SAMD5: variants seen among roughly 807,000 people sequenced by gnomAD.
SAMD5 encodes the protein sterile alpha motif domain-containing protein 5.
A neutral mutation model predicts 11.3 loss-of-function variants in SAMD5; 13 were observed. That is an observed-to-expected ratio of 1.15 (90% CI 0.75 to 1.83). The LOEUF is 1.83. Among genes scored for constraint, SAMD5 ranks in the 40% most tolerant of loss-of-function variants. SAMD5 has a pLI of 0.00. For synonymous variants in SAMD5, 129 were observed against 111.3 expected (o/e 1.16, Z -1.00); for missense variants, 255 against 239.1 (o/e 1.07, Z -0.44).
the SAMD5 span, among the ~76,000 whole-genome samples, chr6:147,816,243 G>A: frequency 2.4e-5 from 3 of 124,196 alleles, no homozygotes; most frequent in African/African-American, 9.3e-5. Context: ...TTGTGCCATT[G>A]CACTCCAGCT....
At chr6:147,554,831 C>G (rs1367770672) in intron 1 of SAMD5, among the ~76,000 whole-genome samples, 1 of 152,204 alleles carries the variant, frequency 6.6e-6, no homozygotes, top group Non-Finnish European at 1.5e-5. Context: ...CCTACCTTAA[C>G]TTCTTGTATC....
At chr6:147,790,504 T>C in the SAMD5 span, among the ~76,000 whole-genome samples, 1 of 152,200 alleles carries the variant, frequency 6.6e-6, no homozygotes, top group Non-Finnish European at 1.5e-5. Context: ...TAAAAAGATG[T>C]GTATGATTGC....
the SAMD5 span, among the ~76,000 whole-genome samples, chr6:147,917,331 G>GT: frequency 6.8e-6 from 1 of 146,770 alleles, no homozygotes; most frequent in African/African-American, 2.6e-5. Context: ...TTTTTCATGT[G>GT]TTTTTTGGCT....
At chr6:147,718,621 G>A (rs1048166242) in intron 1 of SAMD5, among the ~76,000 whole-genome samples, 1 of 152,186 alleles carries the variant, frequency 6.6e-6, no homozygotes, top group Middle Eastern at 3.2e-3. Flanking sequence ...GGTTTAACCA[G>A]GTTTTGGTGT....
At chr6:147,593,240 T>A (rs909047048) in intron 1 of SAMD5, among the ~76,000 whole-genome samples, 2 of 152,174 alleles carry the variant, frequency 1.3e-5, no homozygotes, top group Non-Finnish European at 2.9e-5. Flanking sequence ...GGCTTTATAG[T>A]CCCTAGCAAA....
intron 1 of SAMD5, among the ~76,000 whole-genome samples, chr6:147,600,074 G>A (rs1278346094): frequency 1.3e-5 from 2 of 152,070 alleles, no homozygotes; most frequent in African/African-American, 4.8e-5. Context: ...TGGGAGTGAG[G>A]GCCACTCAGA....
At chr6:147,935,531 A>T in the SAMD5 span, among the ~76,000 whole-genome samples, 1 of 152,240 alleles carries the variant, frequency 6.6e-6, no homozygotes, top group Non-Finnish European at 1.5e-5. Flanking sequence ...TTCACACTTA[A>T]CATCATACGA....
the SAMD5 span, among the ~76,000 whole-genome samples, chr6:147,940,431 G>A: frequency 6.6e-6 from 1 of 152,216 alleles, no homozygotes. Context: ...TCATCACAGC[G>A]CCCTGCTGTA....
chr6:147,513,512 AGT>A (rs1373160926), intron 1 of SAMD5, among the ~76,000 whole-genome samples: 12 of 152,102 alleles, frequency 7.9e-5, no homozygotes, highest in Non-Finnish European at 1.5e-4. Context: ...AAACATACGG[AGT>A]GTGAGATGCC....
intron 1 of SAMD5, among the ~76,000 whole-genome samples, chr6:147,528,424 T>C (rs1195567329): frequency 1.3e-5 from 2 of 152,188 alleles, no homozygotes; most frequent in Non-Finnish European, 2.9e-5. Flanking sequence ...TCTGTCTGTA[T>C]CTTGCCTGTG....
At chr6:147,624,423 A>C (rs1303490694) in intron 1 of SAMD5, among the ~76,000 whole-genome samples, 1 of 152,154 alleles carries the variant, frequency 6.6e-6, no homozygotes, top group East Asian at 1.9e-4. Context: ...TCCAGAATTA[A>C]AATAATTAAA....
At chr6:147,640,251 G>A (rs1379048489) in intron 1 of SAMD5, among the ~76,000 whole-genome samples, 5 of 151,712 alleles carry the variant, frequency 3.3e-5, no homozygotes, top group Middle Eastern at 6.8e-3. Flanking sequence ...GCTTGAACCC[G>A]GGAGGTGAAG....
the SAMD5 span, among the ~76,000 whole-genome samples, chr6:147,807,132 C>T: frequency 6.6e-6 from 1 of 152,114 alleles, no homozygotes; most frequent in South Asian, 2.1e-4. Context: ...AGGAGTCTTG[C>T]TCTGTCACCC....
intron 1 of SAMD5, among the ~76,000 whole-genome samples, chr6:147,604,589 G>T (rs1789671596): frequency 6.6e-6 from 1 of 152,210 alleles, no homozygotes; most frequent in Admixed American, 6.5e-5. Context: ...TTTCAAGAAT[G>T]CAACTAGTTT....
At chr6:147,838,530 T>TCC in the SAMD5 span, among the ~76,000 whole-genome samples, 1 of 110,470 alleles carries the variant, frequency 9.1e-6, no homozygotes, top group African/African-American at 4.2e-5. Flanking sequence ...AAGAATATCC[T>TCC]GCCCCCCCCC....
intron 1 of SAMD5, among the ~76,000 whole-genome samples, chr6:147,589,997 A>C (rs1221349527): frequency 3.3e-5 from 5 of 152,184 alleles, no homozygotes; most frequent in Non-Finnish European, 5.9e-5. Flanking sequence ...ATATTGCTTT[A>C]TCTCTCCAAA....
chr6:147,704,691 T>C (rs1583146795), intron 1 of SAMD5, among the ~76,000 whole-genome samples: 1 of 152,238 alleles, frequency 6.6e-6, no homozygotes, highest in South Asian at 2.1e-4. Flanking sequence ...AAAATAAGGA[T>C]GGAAATACAT....
chr6:147,611,746 A>C (rs899393966), intron 1 of SAMD5, among the ~76,000 whole-genome samples: 5 of 152,144 alleles, frequency 3.3e-5, no homozygotes, highest in Non-Finnish European at 7.4e-5. Context: ...GGAGGAACAG[A>C]GACTCCTCAG....
chr6:147,672,609 A>G (rs922996963), intron 1 of SAMD5, among the ~76,000 whole-genome samples: 2 of 152,130 alleles, frequency 1.3e-5, no homozygotes, highest in Non-Finnish European at 2.9e-5. Flanking sequence ...AATAACACTA[A>G]AAGGCTTATA....
Sources: gnomAD v4.1 joint callset for allele counts (sites outside exome capture counted in the v4.1 genomes callset) on GRCh38, gnomAD v4.1.1 for gene constraint, MANE v1.5 for transcripts, NCBI Gene and HGNC (gene_info 2026-07-23, HGNC 2026-07-21) for gene names.